The following CAMTA1 variants were observed in gnomAD, a reference collection of about 807,000 sequenced individuals.
The protein encoded by CAMTA1 is calmodulin-binding transcription activator 1.
CAMTA1 carries 27 observed loss-of-function variants against 170.9 expected under a neutral mutation model. The observed-to-expected ratio is 0.16, with a 90% CI of 0.12 to 0.22. CAMTA1 has a LOEUF of 0.22. Ranked by LOEUF, CAMTA1 falls within the 10% of genes least tolerant of loss-of-function variation. The pLI, the probability that CAMTA1 is intolerant of heterozygous loss-of-function variation, is 1.00. For synonymous variants in CAMTA1, 833 were observed against 891.5 expected (o/e 0.93, Z 1.17); for missense variants, 1,619 against 2,217.2 (o/e 0.73, Z 5.42).
intron 3 of CAMTA1, among the ~76,000 whole-genome samples, chr1:6,951,574 A>C (rs1688489567): frequency 6.6e-6 from 1 of 152,208 alleles, no homozygotes; most frequent in Admixed American, 6.5e-5. Flanking sequence ...AAGAACAAAA[A>C]AGAGACCATT....
chr1:7,506,911 C>T (rs549384523), intron 6 of CAMTA1, among the ~76,000 whole-genome samples: 1 of 152,238 alleles, frequency 6.6e-6, no homozygotes, highest in East Asian at 1.9e-4. Context: ...CTTGCTCACA[C>T]TCAAAATTCA....
chr1:7,346,652 TG>T (rs2084243697), intron 5 of CAMTA1, among the ~76,000 whole-genome samples: 1 of 152,188 alleles, frequency 6.6e-6, no homozygotes, highest in Non-Finnish European at 1.5e-5. Flanking sequence ...AAGTTAAGTT[TG>T]CGCCTCCAGA....
intron 5 of CAMTA1, among the ~76,000 whole-genome samples, chr1:7,338,864 G>T (rs1412251684): frequency 6.6e-6 from 1 of 152,228 alleles, no homozygotes; most frequent in African/African-American, 2.4e-5. Context: ...ATAACGAAAA[G>T]AGGTTTAATT....
At chr1:7,517,070 T>C (rs1435478901) in intron 6 of CAMTA1, among the ~76,000 whole-genome samples, 1 of 152,212 alleles carries the variant, frequency 6.6e-6, no homozygotes, top group Non-Finnish European at 1.5e-5. Context: ...TGCTATCTTG[T>C]AATCTACTTT....
At chr1:7,523,956 A>C (rs1187138349) in intron 6 of CAMTA1, among the ~76,000 whole-genome samples, 1 of 152,092 alleles carries the variant, frequency 6.6e-6, no homozygotes, top group Non-Finnish European at 1.5e-5. Flanking sequence ...TAATCCCAGC[A>C]CTTTGGGAAG....
intron 3 of CAMTA1, among the ~76,000 whole-genome samples, chr1:7,061,497 T>C (rs1213718228): frequency 6.6e-6 from 1 of 151,822 alleles, no homozygotes; most frequent in East Asian, 1.9e-4. Flanking sequence ...TCACACCTGG[T>C]GGAGGGTGTG....
chr1:7,696,563 G>A (rs1270699471), intron 11 of CAMTA1, among the ~76,000 whole-genome samples: 2 of 151,158 alleles, frequency 1.3e-5, no homozygotes, highest in East Asian at 2.0e-4. Context: ...GCTTGATTTA[G>A]TGCATTTTTT....
chr1:7,232,288 G>T (rs60388189), intron 4 of CAMTA1, among the ~76,000 whole-genome samples: 3 of 7,454 alleles, frequency 4.0e-4, no homozygotes, highest in African/African-American at 5.7e-4. Context: ...TGCTGCACAC[G>T]GCTGCCCCGG....
chr1:7,645,214 G>A (rs971287755), intron 7 of CAMTA1, among the ~76,000 whole-genome samples: 1 of 152,220 alleles, frequency 6.6e-6, no homozygotes, highest in Admixed American at 6.5e-5. Context: ...TGCCAAGCTG[G>A]CAGGAAACTT....
intron 9 of CAMTA1, among the ~76,000 whole-genome samples, chr1:7,666,208 G>A (rs189983143): frequency 9.3e-5 from 14 of 150,710 alleles, no homozygotes; most frequent in East Asian, 3.9e-4. Flanking sequence ...ATCATAGATC[G>A]TCTACATCCA....
In CAMTA1 at chr1:7,565,239, C is replaced by A. The variant is rs532476255; in HGVS notation, c.511-75161C>A. Among the ~76,000 whole-genome samples the A allele has an allele frequency of 1.3e-5, 2 of 152,140 alleles. No homozygotes were observed. Among genetic ancestry groups the A allele is most frequent in the African/African-American group, 4.8e-5 (2 of 41,424 alleles). ...CCTCCTCATTCCCCGGAGAAGCACC[C>A]AGAGAGATGTAGCTGCCATAAAGGG... On this transcript the variant is annotated intron_variant, in intron 6 of 22. Coordinates refer to ENST00000303635, the MANE Select transcript of CAMTA1 (RefSeq NM_015215.4). The surrounding 1 kb of genome is among the most constrained non-coding windows in gnomAD (Gnocchi z 4.5).
chr1:6,926,812 C>T (rs1203424425), intron 3 of CAMTA1, among the ~76,000 whole-genome samples: 1 of 151,700 alleles, frequency 6.6e-6, no homozygotes, highest in Non-Finnish European at 1.5e-5. Flanking sequence ...CTCACTGCAG[C>T]CTTGATCTCT....
chr1:7,120,053 G>A (rs1029766104), intron 4 of CAMTA1, among the ~76,000 whole-genome samples: 31 of 152,100 alleles, frequency 2.0e-4, no homozygotes, highest in African/African-American at 7.0e-4. Flanking sequence ...TGAGGAAACC[G>A]AGGCTGAGTA....
intron 11 of CAMTA1, among the ~76,000 whole-genome samples, chr1:7,684,574 C>A (rs1215798023): frequency 2.0e-5 from 3 of 152,164 alleles, no homozygotes; most frequent in Non-Finnish European, 4.4e-5. Context: ...GCAACAGAAC[C>A]CCAGTCTCTG....
chr1:7,498,512 T>C (rs2093882779), intron 6 of CAMTA1, among the ~76,000 whole-genome samples: 1 of 151,824 alleles, frequency 6.6e-6, no homozygotes, highest in South Asian at 2.1e-4. Context: ...GGTGTGGGTG[T>C]ATATGCATAG....
chr1:7,615,275 C>T (rs915764073), intron 6 of CAMTA1, among the ~76,000 whole-genome samples: 2 of 152,188 alleles, frequency 1.3e-5, no homozygotes, highest in Non-Finnish European at 1.5e-5. Context: ...AGAACCTAGC[C>T]GCTGGCAAGA....
chr1:7,129,919 T>TGTG (rs1645147735), intron 4 of CAMTA1, among the ~76,000 whole-genome samples: 5 of 147,040 alleles, frequency 3.4e-5, no homozygotes, highest in African/African-American at 1.3e-4. Flanking sequence ...CTACCTTCTT[T>TGTG]TGTGTGTGTG....
At chr1:7,032,647 C>G (rs1702964746) in intron 3 of CAMTA1, among the ~76,000 whole-genome samples, 1 of 152,090 alleles carries the variant, frequency 6.6e-6, no homozygotes, top group Non-Finnish European at 1.5e-5. Context: ...TTCCAGTGCT[C>G]TTCATTTCTT....
chr1:7,575,909 G>A (rs1046984721), intron 6 of CAMTA1, among the ~76,000 whole-genome samples: 4 of 152,182 alleles, frequency 2.6e-5, no homozygotes, highest in Non-Finnish European at 4.4e-5. Context: ...CTGCTTCCCT[G>A]GAGACGTCAG....
Sources: gnomAD v4.1 joint callset for allele counts (sites outside exome capture counted in the v4.1 genomes callset) on GRCh38, gnomAD v4.1.1 for gene constraint, Gnocchi (gnomAD v3.1) non-coding constraint, MANE v1.5 for transcripts, NCBI Gene and HGNC (gene_info 2026-07-23, HGNC 2026-07-21) for gene names.